The following ITGA2B variants were observed in gnomAD, a reference collection of about 807,000 sequenced individuals.
ITGA2B encodes the protein integrin alpha-IIb.
A neutral mutation model predicts 142.0 loss-of-function variants in ITGA2B; 91 were observed. That is an observed-to-expected ratio of 0.64 (90% CI 0.54 to 0.76). The LOEUF (loss-of-function observed/expected upper bound fraction) is 0.76, where lower values mean the gene tolerates loss of function less well. Ranked by LOEUF, ITGA2B falls within the 30% of genes least tolerant of loss-of-function variation. The pLI is 0.00. For synonymous variants in ITGA2B, 536 were observed against 567.2 expected (o/e 0.94, Z 0.78); for missense variants, 1,231 against 1,350.8 (o/e 0.91, Z 1.39).
chr17:44,379,148 G>GTT (rs2048571377), intron 18 of ITGA2B, among the ~76,000 whole-genome samples: 1 of 151,016 alleles, frequency 6.6e-6, no homozygotes, highest in Admixed American at 6.6e-5. Flanking sequence ...AGTAGACGGG[G>GTT]TTTCACTGTG....
chr17:44,376,476 G>T, intron 22 of ITGA2B, 88 bp from the exon 23 acceptor site: 1 of 1,190,856 alleles, frequency 8.4e-7, no homozygotes. Context: ...AGAGAGTTCA[G>T]AGAGAGCTAA....
rs754869105 is a variant in ITGA2B at position 44,389,337 on chromosome 17, T to C, written c.137A>G (p.Asn46Ser). 34 of 1,614,150 alleles carry C rather than the reference T, an allele frequency of 2.1e-5. No individual in the cohort carries two copies. The highest frequency in any genetic ancestry group is 4.4e-5 in the South Asian group (4 of 91,088). The change falls in exon 1 of 30, where the codon AAT becomes AGT. Residue 46 changes from asparagine (N) to serine (S), a missense_variant. This residue lies in a region of ITGA2B where 318 missense variants were observed against 312.2 expected (regional missense o/e 1.02). Coordinates refer to ENST00000262407, the MANE Select transcript of ITGA2B (RefSeq NM_000419.5). ...CAGTGAAAATCCAAACTGGCTGCCA[T>C]TGGGGCCTGCATAGAAGGTGAGCTG... is the stretch of plus-strand genomic sequence containing the variant. The part of the protein sequence containing the change: ...PVQLTFYAGP[N>S]GSQFGFSLDF...
chr17:44,385,742 A>G (rs2048642575), intron 3 of ITGA2B, 26 bp from the exon 4 acceptor site: 1 of 1,613,190 alleles, frequency 6.2e-7, no homozygotes, highest in Non-Finnish European at 8.5e-7. Flanking sequence ...AGGAGTGGGG[A>G]CGGGCGCGAG....
At chr17:44,376,965 G>A (rs925984835) in intron 22 of ITGA2B, 44 bp downstream of exon 22, 19 of 1,501,238 alleles carry the variant, frequency 1.3e-5, no homozygotes, top group Non-Finnish European at 1.7e-5. Flanking sequence ...ACGGGGGTCA[G>A]ACGGGGGAAG....
chr17:44,378,757 G>T, intron 18 of ITGA2B, 47 bp from the exon 19 acceptor site: 1 of 1,520,770 alleles, frequency 6.6e-7, no homozygotes, highest in African/African-American at 1.4e-5. Context: ...GATGTGTGAG[G>T]TTTAGGGATT....
Position 44,389,318 on chromosome 17 carries a change from A to G in ITGA2B, c.156T>C (p.Phe52=). 6.2e-7 allele frequency: 1 copy of G among 1,614,202 alleles called. No homozygotes were observed. The highest frequency in any genetic ancestry group is 8.5e-7 in the Non-Finnish European group (1 of 1,180,036). ...GGCTGTCCTTGTGGAAGTCCAGTGA[A>G]AATCCAAACTGGCTGCCATTGGGGC... ...YAGPNGSQFG[F]SLDFHKDSHG... Residue 52 remains phenylalanine (F), a synonymous_variant, in exon 1 of 30, where the codon TTT becomes TTC. Coordinates refer to ENST00000262407, the MANE Select transcript of ITGA2B (RefSeq NM_000419.5).
At chr17:44,374,870 C>A in intron 27 of ITGA2B, 110 bp from the exon 28 acceptor site, 1 of 1,255,260 alleles carries the variant, frequency 8.0e-7, no homozygotes, top group Non-Finnish European at 1.1e-6. Context: ...CCTAATCCCA[C>A]TGCAATCCCC....
At position 44,386,127 on chromosome 17, in the gene ITGA2B, C is replaced by A; in HGVS notation, c.193G>T (p.Ala65Ser). 6.3e-7 allele frequency: 1 copy of A among 1,597,166 alleles called. No individual in the cohort carries two copies. Among genetic ancestry groups the A allele is most frequent in the Admixed American group, 1.7e-5 (1 of 57,680 alleles). ...DFHKDSHGRV[A>S]IVVGAPRTLG... The stretch of plus-strand genomic sequence containing the variant: ...GTCCGCGGGGCGCCCACCACGATGG[C>A]CACTCTGCATAGGAAAGCTGGGTGA... Residue 65 changes from alanine to serine, a missense_variant, in exon 2 of 30, where the codon GCC becomes TCC. Physicochemically the swap from Ala to Ser is moderately conservative, Grantham distance 99. Coordinates refer to ENST00000262407, the MANE Select transcript of ITGA2B (RefSeq NM_000419.5).
chr17:44,387,041 G>T (rs1015634473), intron 1 of ITGA2B, among the ~76,000 whole-genome samples: 1 of 151,794 alleles, frequency 6.6e-6, no homozygotes, highest in Non-Finnish European at 1.5e-5. Flanking sequence ...GATTACAGGC[G>T]TGAGCCTCTG....
chr17:44,385,759 G>GCTC, intron 3 of ITGA2B, 43 bp from the exon 4 acceptor site: 1 of 1,612,982 alleles, frequency 6.2e-7, no homozygotes, highest in Non-Finnish European at 8.5e-7. Flanking sequence ...CGAGACTTGG[G>GCTC]CTCCTCCTGG....
chr17:44,373,428 G>A (rs181912853), intron 29 of ITGA2B, among the ~76,000 whole-genome samples: 7 of 152,208 alleles, frequency 4.6e-5, no homozygotes, highest in Admixed American at 3.3e-4. Flanking sequence ...GAGCCACCAC[G>A]CCCAGCCTGG....
intron 18 of ITGA2B, among the ~76,000 whole-genome samples, chr17:44,379,033 C>A (rs1408653196): frequency 6.6e-6 from 1 of 151,852 alleles, no homozygotes; most frequent in Non-Finnish European, 1.5e-5. Context: ...GCAAGCTCCG[C>A]CCCCCGGGGT....
In ITGA2B at chr17:44,378,644, C is replaced by A. The variant is rs7207402; in HGVS notation, c.1945G>T (p.Val649Leu). Residue 649 changes from valine (V) to leucine (L), a missense_variant and splice_region_variant, in exon 19 of 30, where the codon GTG becomes TTG. This residue lies in a region of ITGA2B where 908 missense variants were observed against 1,021.1 expected (regional missense o/e 0.89). Transcript: ENST00000262407. ...GGGCAGAATGGGAGGCCTCCTCACA[C>A]GCTGGCAGTGAGCTGAAGCTGGGGC... ...CVPQLQLTASVTGSPLLVGAD... is the reference protein window; with the variant it reads ...CVPQLQLTASLTGSPLLVGAD... 8.4e-4 allele frequency: 1,315 copies of A among 1,566,418 alleles called. 10 individuals carry two copies. In the African/African-American group the frequency reaches 0.016, roughly 19 times the overall value.
Position 44,383,650 on chromosome 17 carries a change from TCGGTCTGCC to T in ITGA2B, c.1044_1052del (p.Ala349_Arg351del), listed in dbSNP as rs776572416. 3.1e-6 allele frequency: 5 copies of T among 1,599,296 alleles called. No individual in the cohort carries two copies. The South Asian group carries it at 5.6e-5, about 18-fold the overall frequency. On this transcript the variant is annotated inframe_deletion, in exon 12 of 30. Transcript: ENST00000262407. Reference sequence around the variant, plus strand: ...ACACACGCCCCACTTCGGCCAGTTTTCGGTCTGCCCGGCTCTCCATATACAGTGGAGCGC... The same window carrying T: ...ACACACGCCCCACTTCGGCCAGTTTTCGGCTCTCCATATACAGTGGAGCGC...
chr17:44,387,056 T>A (rs1003780642), intron 1 of ITGA2B, among the ~76,000 whole-genome samples: 2 of 151,912 alleles, frequency 1.3e-5, no homozygotes, highest in Admixed American at 6.5e-5. Context: ...CCTCTGTGTC[T>A]GGCCCATAAT....
chr17:44,385,936 A>AAG lies in ITGA2B; in HGVS notation c.311-17_311-16dup. The AAG allele has an allele frequency of 6.2e-7, 1 of 1,613,890 alleles. No homozygotes were observed. Among genetic ancestry groups the AAG allele is most frequent in the Non-Finnish European group, 8.5e-7 (1 of 1,179,906 alleles). On this transcript the variant is annotated splice_polypyrimidine_tract_variant and intron_variant, in intron 2 of 29. Transcript: ENST00000262407. ...GGTCTCATCACCTGGAAGGCACAAG[A>AAG]AGGGGTGGGGCGCTGAAGCCCGGCA...
At chr17:44,374,631 G>A in intron 28 of ITGA2B, 28 bp downstream of exon 28, 1 of 1,590,150 alleles carries the variant, frequency 6.3e-7, no homozygotes, top group Non-Finnish European at 8.6e-7. Context: ...CTGCAGGACT[G>A]GTCTCTGCTC....
rs1239347575 is a variant in ITGA2B, at chr17:44,385,612, G to T, written c.513C>A (p.Arg171=). ...TCCCGCGACAGGGGGAGTACTCGGC[G>T]CGGCGGCCGCTCTCTGGCTGAGCCA... ...CFLAQPESGR[R]AEYSPCRGNT... Residue 171 remains arginine (R), a synonymous_variant, in exon 4 of 30, where the codon CGC becomes CGA. Transcript: ENST00000262407. 1 of 1,611,910 alleles carries T rather than the reference G, an allele frequency of 6.2e-7. No homozygotes were observed. Among genetic ancestry groups the T allele is most frequent in the Admixed American group, 1.7e-5 (1 of 59,902 alleles).
In ITGA2B at chr17:44,380,490, TCTGATGGGATAGG is replaced by T. The variant is rs2048585829; in HGVS notation, c.1440-13_1440-1del. On this transcript the variant is annotated splice_acceptor_variant and splice_polypyrimidine_tract_variant and intron_variant, in intron 14 of 29. Transcript: ENST00000262407. LOFTEE classifies it high-confidence loss of function. ...CAGAGGCCTTCACCACTGGCTGAGC[TCTGATGGGATAGG>T]GTGATGGGGTAGGCTTGCCATTGTG... The T allele has an allele frequency of 1.1e-5, 18 of 1,614,030 alleles. No homozygotes were observed. Among genetic ancestry groups the T allele is most frequent in the Non-Finnish European group, 1.5e-5 (18 of 1,179,964 alleles).
Sources: allele counts gnomAD v4.1 joint callset (sites outside exome capture counted in the v4.1 genomes callset), GRCh38; gene constraint gnomAD v4.1.1; regional missense constraint gnomAD v4.1.1; transcripts MANE v1.5; gene names NCBI Gene and HGNC (gene_info 2026-07-23, HGNC 2026-07-21).